Variants in SERPINI2 observed in about 807,000 individuals in gnomAD.
The protein encoded by SERPINI2 is serpin I2.
SERPINI2 carries 48 observed loss-of-function variants against 47.3 expected under a neutral mutation model. That is an observed-to-expected ratio of 1.02 (90% CI 0.81 to 1.29). SERPINI2 has a LOEUF of 1.29. SERPINI2 is among the 50% of genes most tolerant of loss of function. SERPINI2 has a pLI of 0.00. For missense variants in SERPINI2, 448 were observed against 456.9 expected, an observed-to-expected ratio of 0.98 and a Z score of 0.18; for synonymous variants, 135 against 149.3, an observed-to-expected ratio of 0.90 and a Z score of 0.70.
exon 9 of SERPINI2, chr3:167,441,954 T>C (rs1378399149): frequency 9.9e-6 from 5 of 503,072 alleles, no homozygotes; most frequent in Non-Finnish European, 1.7e-5. Context: ...GCATACCTAA[T>C]TTTACTTATT....
intron 6 of SERPINI2, among the ~76,000 whole-genome samples, 186 bp from the exon 7 acceptor site, chr3:167,449,588 A>G (rs1023110253): frequency 6.6e-6 from 1 of 152,054 alleles, no homozygotes; most frequent in Non-Finnish European, 1.5e-5. Context: ...TCTGCCTCCC[A>G]GATTCAAACG....
In SERPINI2 at chr3:167,450,495, T is replaced by C. The variant is rs375898434; in HGVS notation, c.965-1093A>G. 3.9e-5 allele frequency among the ~76,000 whole-genome samples: 6 copies of C among 152,178 alleles called. No individual in the cohort carries two copies. The East Asian group carries it at 9.6e-4, about 24-fold the overall frequency. ...TGTTCCTCAGAGGACAAAGGAAGCA[T>C]GCTCTAGAAAACTGCCTGGCTCATA... On this transcript the variant is annotated intron_variant, in intron 6 of 8. Transcript: ENST00000264677.
At chr3:167,473,867 T>TA in intron 1 of SERPINI2, 136 bp downstream of exon 1, 1 of 1,209,728 alleles carries the variant, frequency 8.3e-7, no homozygotes, top group Non-Finnish European at 1.1e-6. Context: ...ATAAAAGCGA[T>TA]ATGTTAATTA....
intron 5 of SERPINI2, among the ~76,000 whole-genome samples, 181 bp downstream of exon 5, chr3:167,465,025 G>A (rs957895480): frequency 1.3e-5 from 2 of 152,138 alleles, no homozygotes; most frequent in Non-Finnish European, 2.9e-5. Flanking sequence ...TCATGGTAAA[G>A]CAATGCTAGC....
chr3:167,453,041 T>TAA lies in SERPINI2; in HGVS notation c.867-10_867-9dup. 2.4e-5 allele frequency: 32 copies of TAA among 1,348,144 alleles called. No individual in the cohort carries two copies. Among genetic ancestry groups the TAA allele is most frequent in the South Asian group, 5.6e-5 (4 of 71,726 alleles). The allele number at this position is 1,348,144 out of a possible 1,614,324, so 83.5% of individuals were successfully genotyped here. Reference sequence around the variant, plus strand: ...TTTTGTTCTACTTTAAATCTGTTATTAAAAAAAAAAGAAAAAGAAAAGTCT... The same window carrying TAA: ...TTTTGTTCTACTTTAAATCTGTTATTAAAAAAAAAAAAGAAAAAGAAAAGTCT... On this transcript the variant is annotated splice_polypyrimidine_tract_variant and intron_variant, in intron 5 of 8. Transcript: ENST00000264677.
intron 5 of SERPINI2, among the ~76,000 whole-genome samples, chr3:167,453,565 G>T (rs1414020188): frequency 6.6e-6 from 1 of 150,938 alleles, no homozygotes; most frequent in African/African-American, 2.4e-5. Context: ...GTATGGACAG[G>T]CCTAATATCT....
At chr3:167,450,242 A>G (rs1749605251) in intron 6 of SERPINI2, among the ~76,000 whole-genome samples, 1 of 152,136 alleles carries the variant, frequency 6.6e-6, no homozygotes, top group Non-Finnish European at 1.5e-5. Flanking sequence ...ACACTTTAAA[A>G]CCTGTTAAAA....
At chr3:167,458,607 C>T (rs1452285673) in intron 5 of SERPINI2, among the ~76,000 whole-genome samples, 1 of 152,032 alleles carries the variant, frequency 6.6e-6, no homozygotes, top group African/African-American at 2.4e-5. Context: ...TCCATTTTAT[C>T]AATAGGTGGT....
intron 5 of SERPINI2, 50 bp downstream of exon 5, chr3:167,465,156 C>T (rs1750096660): frequency 6.8e-7 from 1 of 1,474,614 alleles, no homozygotes. Flanking sequence ...GCTCAAATTC[C>T]TATGTGAGTG....
Position 167,473,607 on chromosome 3 carries a change from C to CATG in SERPINI2, c.-11+395_-11+396insCAT, listed in dbSNP as rs1750400244. 1.2e-5 allele frequency: 5 copies of CATG among 409,104 alleles called. No homozygotes were observed. In the East Asian group the frequency reaches 1.9e-4, roughly 15 times the overall value. 25.3% of individuals were successfully genotyped at this position (409,104 alleles called of 1,614,324 possible). A position where few individuals can be genotyped will look rare whatever the true frequency, so the allele number is the denominator to read the frequency against. Reference sequence around the variant, plus strand: ...AATCTCAGTATTAGAGTTTCCTTCTCATTATTATTAATAATCTTAATAATT... The same window carrying CATG: ...AATCTCAGTATTAGAGTTTCCTTCTCATGATTATTATTAATAATCTTAATAATT... On this transcript the variant is annotated intron_variant, in intron 1 of 8. Transcript: ENST00000264677.
intron 5 of SERPINI2, among the ~76,000 whole-genome samples, chr3:167,464,030 T>C (rs938157004): frequency 7.0e-6 from 1 of 142,928 alleles, no homozygotes; most frequent in African/African-American, 2.9e-5. Context: ...TTTTTTTTTT[T>C]GGATACTGGG....
intron 5 of SERPINI2, among the ~76,000 whole-genome samples, chr3:167,458,710 A>C (rs1227648092): frequency 2.0e-5 from 3 of 152,174 alleles, no homozygotes; most frequent in Non-Finnish European, 4.4e-5. Flanking sequence ...AACAGGAAAT[A>C]CACTTTCTAA....
intron 5 of SERPINI2, among the ~76,000 whole-genome samples, chr3:167,460,153 C>G (rs116636920): frequency 2.0e-5 from 3 of 152,290 alleles, no homozygotes; most frequent in African/African-American, 7.2e-5. Context: ...GCTGTTATAG[C>G]AGCTCTAGGA....
chr3:167,468,230 A>G (rs951214746), intron 2 of SERPINI2, among the ~76,000 whole-genome samples: 1 of 152,170 alleles, frequency 6.6e-6, no homozygotes, highest in African/African-American at 2.4e-5. Context: ...AAATTGATAT[A>G]TTCAATTAAT....
At chr3:167,444,255 C>T (rs1749407426) in intron 8 of SERPINI2, among the ~76,000 whole-genome samples, 1 of 152,050 alleles carries the variant, frequency 6.6e-6, no homozygotes, top group African/African-American at 2.4e-5. Flanking sequence ...GCCTACATCC[C>T]CAACCTTAAA....
rs747728039 is a variant in SERPINI2 at position 167,465,409 on chromosome 3, CAAAAT to C, written c.674-16_674-12del. 46 of 1,601,924 alleles carry C rather than the reference CAAAAT, an allele frequency of 2.9e-5. No individual in the cohort carries two copies. Among genetic ancestry groups the C allele is most frequent in the Non-Finnish European group, 3.8e-5 (45 of 1,176,990 alleles). The stretch of plus-strand genomic sequence containing the variant: ...ATTCAGAAAAATAACCTGGAATAGA[CAAAAT>C]AAAATATCAAATATACTTGGCAATT... On this transcript the variant is annotated splice_polypyrimidine_tract_variant and intron_variant, in intron 4 of 8. Coordinates refer to ENST00000264677, the Ensembl canonical transcript of SERPINI2.
At chr3:167,471,242 G>A (rs1750308132) in intron 2 of SERPINI2, among the ~76,000 whole-genome samples, 1 of 152,110 alleles carries the variant, frequency 6.6e-6, no homozygotes, top group African/African-American at 2.4e-5. Flanking sequence ...ATATGTATGT[G>A]TATAGATGTA....
chr3:167,471,625 C>T, exon 2 of SERPINI2: 4 of 1,613,570 alleles, frequency 2.5e-6, no homozygotes, highest in East Asian at 2.2e-5. Context: ...TTTGTCTTAT[C>T]TGCTGCTGTG....
At position 167,472,565 on chromosome 3, in the gene SERPINI2, A is replaced by G. The variant is rs148196229; in HGVS notation, c.-10-721T>C. Among the ~76,000 whole-genome samples, 116 of 152,052 alleles carry G rather than the reference A, an allele frequency of 7.6e-4. 1 individual carries two copies. Among genetic ancestry groups the G allele is most frequent in the African/African-American group, 2.6e-3 (109 of 41,554 alleles). On this transcript the variant is annotated intron_variant, in intron 1 of 8. Transcript: ENST00000264677. The stretch of plus-strand genomic sequence containing the variant: ...AACCTTAGTGTCAGGCCATATACCC[A>G]TGTAGCAAACCTGCACATGTACATT...
Sources: gnomAD v4.1 joint callset for allele counts (sites outside exome capture counted in the v4.1 genomes callset) on GRCh38, gnomAD v4.1.1 for gene constraint, MANE v1.5 for transcripts, NCBI Gene and HGNC (gene_info 2026-07-23, HGNC 2026-07-21) for gene names.